Variants in FHIT observed in about 807,000 individuals in gnomAD.
FHIT encodes the protein bis(5'-adenosyl)-triphosphatase.
In FHIT, 19 loss-of-function variants were observed where a neutral mutation model predicts 17.9. That is an observed-to-expected ratio of 1.06 (90% CI 0.74 to 1.56). FHIT has a LOEUF of 1.56. FHIT is among the 40% of genes most tolerant of loss of function. FHIT has a pLI of 0.00. For missense variants in FHIT, 248 were observed against 189.2 expected (o/e 1.31, Z -1.82); for synonymous variants, 81 against 69.7 (o/e 1.16, Z -0.81).
intron 8 of FHIT, among the ~76,000 whole-genome samples, chr3:59,790,857 CT>C (rs768235350): frequency 5.9e-5 from 9 of 152,078 alleles, no homozygotes; most frequent in East Asian, 3.9e-4. Context: ...GCTAAGTAAA[CT>C]TTTTTTTAAT....
At chr3:60,611,778 G>T (rs1166403128) in intron 4 of FHIT, among the ~76,000 whole-genome samples, 1 of 152,152 alleles carries the variant, frequency 6.6e-6, no homozygotes, top group Non-Finnish European at 1.5e-5. Context: ...CTCGTAGGAG[G>T]AACTATCCAG....
chr3:60,192,018 A>G (rs1230722260), intron 5 of FHIT, among the ~76,000 whole-genome samples: 1 of 152,100 alleles, frequency 6.6e-6, no homozygotes, highest in Non-Finnish European at 1.5e-5. Flanking sequence ...TTGGAGACTG[A>G]GGCGGGTGGA....
Position 61,080,984 on chromosome 3 carries a change from C to T in FHIT, c.-163-38885G>A, listed in dbSNP as rs144075158. On this transcript the variant is annotated intron_variant, in intron 2 of 9. Transcript: ENST00000492590. Reference sequence around the variant, plus strand: ...AAACTTAGTAGGACTTTGTGGCCTCCCAGCTCACAAGCCTGCTTCTTCATT... The same window carrying T: ...AAACTTAGTAGGACTTTGTGGCCTCTCAGCTCACAAGCCTGCTTCTTCATT... 4.5e-3 allele frequency among the ~76,000 whole-genome samples: 679 copies of T among 152,262 alleles called. 6 individuals are homozygous for T. The highest frequency in any genetic ancestry group is 0.016 in the African/African-American group (649 of 41,534).
At chr3:60,510,653 G>A (rs534560743) in intron 5 of FHIT, among the ~76,000 whole-genome samples, 185 of 152,146 alleles carry the variant, frequency 1.2e-3, no homozygotes, top group African/African-American at 4.4e-3. Context: ...TCAAGTCTCT[G>A]GTATTTACTA....
At position 60,178,704 on chromosome 3, in the gene FHIT, C is replaced by T. The variant is rs150729721; in HGVS notation, c.104-164552G>A. On this transcript the variant is annotated intron_variant, in intron 5 of 9. Transcript: ENST00000492590. The stretch of plus-strand genomic sequence containing the variant: ...TCACTATTTAAACTACGTTGTTTTT[C>T]GTCCATTAGCTCTTCCTCAGCAATC... Among the ~76,000 whole-genome samples the T allele has an allele frequency of 2.7e-3, 412 of 152,228 alleles. 1 individual carries two copies. The highest frequency in any genetic ancestry group is 9.5e-3 in the African/African-American group (394 of 41,550).
chr3:60,955,121 A>G (rs1398452926), intron 3 of FHIT, among the ~76,000 whole-genome samples: 1 of 152,164 alleles, frequency 6.6e-6, no homozygotes. Context: ...TCCATACTTC[A>G]TGGTAGGCTA....
chr3:61,065,777 G>T (rs2034587114), intron 2 of FHIT, among the ~76,000 whole-genome samples: 1 of 151,790 alleles, frequency 6.6e-6, no homozygotes, highest in Non-Finnish European at 1.5e-5. Context: ...ATGAACGGAA[G>T]CTTGAATATA....
chr3:60,052,640 AAACC>A (rs1389280297), intron 5 of FHIT, among the ~76,000 whole-genome samples: 1 of 151,886 alleles, frequency 6.6e-6, no homozygotes, highest in Non-Finnish European at 1.5e-5. Flanking sequence ...ACAGGAAACC[AAACC>A]ACCTGATCTT....
intron 5 of FHIT, among the ~76,000 whole-genome samples, chr3:60,332,732 T>G (rs1710047498): frequency 6.6e-6 from 1 of 152,240 alleles, no homozygotes; most frequent in Non-Finnish European, 1.5e-5. Flanking sequence ...TCTACTCTTC[T>G]GAGCCATCCC....
chr3:60,768,462 A>G (rs79665172), intron 4 of FHIT, among the ~76,000 whole-genome samples: 18,672 of 152,250 alleles, frequency 0.12, 1,394 homozygotes, highest in African/African-American at 0.21. Flanking sequence ...CATAAAAGCT[A>G]TTTAGTATCT....
At chr3:60,510,336 A>G (rs1000458361) in intron 5 of FHIT, among the ~76,000 whole-genome samples, 1 of 152,188 alleles carries the variant, frequency 6.6e-6, no homozygotes, top group Non-Finnish European at 1.5e-5. Context: ...AAAAAGGCCA[A>G]TTATTGTTAA....
chr3:59,992,471 G>A (rs3772499), intron 7 of FHIT, among the ~76,000 whole-genome samples: 2 of 151,778 alleles, frequency 1.3e-5, no homozygotes, highest in East Asian at 3.9e-4. Flanking sequence ...TTCCCTATTA[G>A]CGCATCTTTA....
chr3:60,498,327 T>C (rs1395367231), intron 5 of FHIT, among the ~76,000 whole-genome samples: 2 of 152,354 alleles, frequency 1.3e-5, no homozygotes, highest in African/African-American at 4.8e-5. Context: ...AATGTTCATT[T>C]GTTACATTTA....
chr3:60,984,922 AGAGAATCCCTG>A (rs1710656076), intron 3 of FHIT, among the ~76,000 whole-genome samples: 2 of 152,140 alleles, frequency 1.3e-5, no homozygotes, highest in Non-Finnish European at 2.9e-5. Context: ...ATTTACGTAT[AGAGAATCCCTG>A]GAGTCATGCA....
intron 7 of FHIT, among the ~76,000 whole-genome samples, chr3:59,954,346 AAAT>A (rs1182323999): frequency 6.6e-6 from 1 of 151,346 alleles, no homozygotes; most frequent in Non-Finnish European, 1.5e-5. Context: ...CATCATTTGC[AAAT>A]AATTCAACTC....
chr3:60,116,681 G>A lies in FHIT; in HGVS notation c.104-102529C>T, dbSNP rs1383728010. 3.3e-5 allele frequency among the ~76,000 whole-genome samples: 5 copies of A among 152,008 alleles called. No homozygotes were observed. In the East Asian group the frequency reaches 9.6e-4, roughly 29 times the overall value. ...TCCTCTAATGGTGAAATAAAAAGTA[G>A]CCCCAATATTAAAGCAATTCCAAGG... On this transcript the variant is annotated intron_variant, in intron 5 of 9. Transcript: ENST00000492590.
intron 1 of FHIT, among the ~76,000 whole-genome samples, chr3:61,217,544 A>G (rs1298829657): frequency 2.0e-5 from 3 of 152,210 alleles, no homozygotes; most frequent in South Asian, 2.1e-4. Flanking sequence ...CAGAAATCAC[A>G]TAACACCATT....
intron 8 of FHIT, among the ~76,000 whole-genome samples, chr3:59,839,023 A>G (rs538127988): frequency 6.6e-6 from 1 of 152,244 alleles, no homozygotes; most frequent in South Asian, 2.1e-4. Flanking sequence ...TAAGAAAACC[A>G]TCTCATCTCC....
chr3:60,689,068 G>A (rs1380810814), intron 4 of FHIT, among the ~76,000 whole-genome samples: 1 of 152,102 alleles, frequency 6.6e-6, no homozygotes, highest in Non-Finnish European at 1.5e-5. Flanking sequence ...TTCTCATGCT[G>A]TTCTCCTGAT....
Sources: gnomAD v4.1 joint callset for allele counts (sites outside exome capture counted in the v4.1 genomes callset) on GRCh38, gnomAD v4.1.1 for gene constraint, MANE v1.5 for transcripts, NCBI Gene and HGNC (gene_info 2026-07-23, HGNC 2026-07-21) for gene names.